Variants in PLOD2 observed in about 807,000 individuals in gnomAD.
PLOD2 encodes lysine hydroxylase 2.
PLOD2 carries 65 observed loss-of-function variants against 101.0 expected under a neutral mutation model. That is an observed-to-expected ratio of 0.64 (90% confidence interval 0.53 to 0.79). PLOD2 has a LOEUF of 0.79. Among genes scored for constraint, PLOD2 ranks in the 30% least tolerant of loss-of-function variants. The pLI is 0.00. For missense variants in PLOD2, 909 were observed against 914.6 expected (o/e 0.99, Z 0.08); for synonymous variants, 314 against 302.9 (o/e 1.04, Z -0.38).
rs3792341 is a variant in PLOD2, at chr3:146,091,963, T to C, written c.778-62A>G. ...GCCTCTCATCGGTGTGGTTTCATTC[T>C]ATAATCATCTAATTTAAAAGCATGT... On this transcript the variant is annotated intron_variant, in intron 7 of 19. Coordinates refer to ENST00000282903, the MANE Select transcript of PLOD2 (RefSeq NM_182943.3). 421,116 of 835,734 alleles carry C rather than the reference T, an allele frequency of 0.5. 106,829 individuals carry two copies. The highest frequency in any genetic ancestry group is 0.55 in the African/African-American group (32,976 of 59,668). The allele number at this position is 835,734 out of a possible 1,614,324, so 51.8% of individuals were successfully genotyped here.
chr3:146,071,481 T>G (rs982701727), intron 17 of PLOD2, 58 bp from the exon 18 acceptor site: 2 of 1,511,074 alleles, frequency 1.3e-6, no homozygotes, highest in African/African-American at 2.8e-5. Flanking sequence ...CCCATTTATA[T>G]TATAGTATTT....
In PLOD2 at chr3:146,134,186, G is replaced by T. The variant is rs934433083; in HGVS notation, c.110-9957C>A. On this transcript the variant is annotated intron_variant, in intron 1 of 19. Transcript: ENST00000282903. ...ACTGGCTGGGGTGGAAATAGAGAAG[G>T]GAATTAATGAGGAGTGCGGATTACA... Among the ~76,000 whole-genome samples the T allele has an allele frequency of 2.2e-4, 34 of 152,002 alleles. 1 individual carries two copies. The highest frequency in any genetic ancestry group is 6.6e-5 in the Admixed American group (1 of 15,252).
In PLOD2 at chr3:146,110,418, T is replaced by C; in HGVS notation, c.369A>G (p.Glu123=). 6.2e-7 allele frequency: 1 copy of C among 1,613,508 alleles called. No individual in the cohort carries two copies. The highest frequency in any genetic ancestry group is 8.5e-7 in the Non-Finnish European group (1 of 1,179,740). ...CCTTTTGGAATTTTTTTAGAACTTC[T>C]TCTGGACCACCAGCAAATATGACAT... ...CFDVIFAGGP[E]EVLKKFQKAN... Residue 123 remains glutamate (E), a synonymous_variant, in exon 4 of 20, where the codon GAA becomes GAG. Coordinates refer to ENST00000282903, the MANE Select transcript of PLOD2 (RefSeq NM_182943.3).
Position 146,091,876 on chromosome 3 carries a change from T to C in PLOD2, c.803A>G (p.Tyr268Cys), listed in dbSNP as rs778448838. The stretch of plus-strand genomic sequence containing the variant: ...ATCCTGTGTCCATGAATTGGGTACA[T>C]AGTTTCCAAAATAATTCAGGAGAAT... ...TKILLNYFGN[Y>C]VPNSWTQDNG... The change falls in exon 8 of 20, where the codon TAT (tyrosine) becomes TGT (cysteine). Residue 268 changes from tyrosine to cysteine, a missense_variant. Tyr to Cys is a radical substitution (Grantham distance 194). Coordinates refer to ENST00000282903, the MANE Select transcript of PLOD2 (RefSeq NM_182943.3). The C allele has an allele frequency of 3.8e-6, 6 of 1,598,236 alleles. No individual in the cohort carries two copies. Among genetic ancestry groups the C allele is most frequent in the African/African-American group, 1.3e-5 (1 of 74,678 alleles).
intron 15 of PLOD2, among the ~76,000 whole-genome samples, chr3:146,075,385 G>C (rs1351915238): frequency 6.8e-6 from 1 of 146,358 alleles, no homozygotes; most frequent in African/African-American, 2.5e-5. Flanking sequence ...AGGTTTGATT[G>C]TTGAAGACAG....
chr3:146,151,412 G>A (rs1043483606), intron 1 of PLOD2, among the ~76,000 whole-genome samples: 2 of 151,998 alleles, frequency 1.3e-5, no homozygotes, highest in African/African-American at 4.8e-5. Context: ...CAGAAGAATC[G>A]CTTGAACCCG....
chr3:146,127,300 T>G lies in PLOD2; in HGVS notation c.110-3071A>C, dbSNP rs768787518. Among the ~76,000 whole-genome samples the G allele has an allele frequency of 7.6e-4, 116 of 152,272 alleles. 1 individual carries two copies. Among genetic ancestry groups the G allele is most frequent in the Non-Finnish European group, 1.4e-3 (98 of 68,012 alleles). ...CATAGTGAACACTGTACCCAACAGG[T>G]AACTTTTCAACCCTTTTCAACCCTC... On this transcript the variant is annotated intron_variant, in intron 1 of 19. Transcript: ENST00000282903.
At position 146,091,875 on chromosome 3, in the gene PLOD2, A is replaced by C. The variant is rs547685298; in HGVS notation, c.804T>G (p.Tyr268Ter). The change falls in exon 8 of 20, where the codon TAT (tyrosine) becomes TAG (stop). Residue 268 changes from tyrosine (Y) to a stop codon, truncating the protein, a stop_gained. Coordinates refer to ENST00000282903, the MANE Select transcript of PLOD2 (RefSeq NM_182943.3). LOFTEE classifies it high-confidence loss of function. ...TATCCTGTGTCCATGAATTGGGTACATAGTTTCCAAAATAATTCAGGAGAA... is the reference window on the plus strand; with the variant it reads ...TATCCTGTGTCCATGAATTGGGTACCTAGTTTCCAAAATAATTCAGGAGAA... ...TKILLNYFGN[Y>*]VPNSWTQDNG... The C allele has an allele frequency of 6.3e-7, 1 of 1,598,844 alleles. No homozygotes were observed. Among genetic ancestry groups the C allele is most frequent in the African/African-American group, 1.3e-5 (1 of 74,684 alleles).
intron 13 of PLOD2, among the ~76,000 whole-genome samples, chr3:146,078,638 A>C (rs772981333): frequency 6.6e-6 from 1 of 151,882 alleles, no homozygotes; most frequent in African/African-American, 2.4e-5. Context: ...TTTGGTGGTA[A>C]TAATCCTGCT....
At chr3:146,090,451 C>G (rs1936935803) in intron 8 of PLOD2, among the ~76,000 whole-genome samples, 1 of 151,522 alleles carries the variant, frequency 6.6e-6, no homozygotes, top group Non-Finnish European at 1.5e-5. Flanking sequence ...ATTTTTCTAT[C>G]TTTGCACCAG....
chr3:146,086,737 C>A lies in PLOD2; in HGVS notation c.1127+50G>T, dbSNP rs3804668. On this transcript the variant is annotated intron_variant, in intron 10 of 19. Coordinates refer to ENST00000282903, the MANE Select transcript of PLOD2 (RefSeq NM_182943.3). ...AATTTAAAAGTTTATTTTTTCTTAACGTTTCCTTAGTAAAATAATTTAATT... is the reference window on the plus strand; with the variant it reads ...AATTTAAAAGTTTATTTTTTCTTAAAGTTTCCTTAGTAAAATAATTTAATT... 583,315 of 1,229,712 alleles carry A rather than the reference C, an allele frequency of 0.47. 139,810 individuals are homozygous for A. Among genetic ancestry groups the A allele is most frequent in the African/African-American group, 0.55 (35,434 of 64,818 alleles). The allele number at this position is 1,229,712 out of a possible 1,614,324, so 76.2% of individuals were successfully genotyped here. A position where few individuals can be genotyped will look rare whatever the true frequency, so the allele number is the denominator to read the frequency against.
intron 11 of PLOD2, among the ~76,000 whole-genome samples, chr3:146,082,626 C>T (rs1348597633): frequency 6.6e-6 from 1 of 152,198 alleles, no homozygotes; most frequent in Non-Finnish European, 1.5e-5. Context: ...GGCGCAGTGG[C>T]TCATGCCTGT....
At chr3:146,110,722 C>T (rs1937615045) in intron 3 of PLOD2, among the ~76,000 whole-genome samples, 1 of 151,720 alleles carries the variant, frequency 6.6e-6, no homozygotes, top group South Asian at 2.1e-4. Flanking sequence ...TCACTTATTC[C>T]CAAATTGAAA....
chr3:146,106,989 A>AT (rs1344422524), intron 4 of PLOD2, among the ~76,000 whole-genome samples: 3 of 152,154 alleles, frequency 2.0e-5, no homozygotes, highest in African/African-American at 7.2e-5. Flanking sequence ...TGAGACAAGA[A>AT]TTTTTTCTCT....
chr3:146,074,157 A>G, intron 15 of PLOD2, among the ~76,000 whole-genome samples: 1 of 151,566 alleles, frequency 6.6e-6, no homozygotes, highest in East Asian at 1.9e-4. Context: ...AAAGCTAAAG[A>G]ATTATTTTAT....
chr3:146,152,647 G>A (rs1001060558), intron 1 of PLOD2, among the ~76,000 whole-genome samples: 15 of 152,130 alleles, frequency 9.9e-5, no homozygotes, highest in Non-Finnish European at 5.9e-5. Flanking sequence ...AGAAAGAAAC[G>A]CTGGACAAGG....
At chr3:146,155,673 C>T (rs1379278136) in intron 1 of PLOD2, among the ~76,000 whole-genome samples, 7 of 149,152 alleles carry the variant, frequency 4.7e-5, no homozygotes, top group Non-Finnish European at 7.4e-5. Context: ...CGAGATCACG[C>T]CACTGCACTC....
intron 3 of PLOD2, among the ~76,000 whole-genome samples, chr3:146,114,135 A>G (rs1937779114): frequency 6.6e-6 from 1 of 152,152 alleles, no homozygotes; most frequent in Non-Finnish European, 1.5e-5. Context: ...CTGTCTCCTG[A>G]TAAGACGTTA....
At chr3:146,084,526 TACA>T (rs1267346715) in intron 11 of PLOD2, among the ~76,000 whole-genome samples, 1 of 152,140 alleles carries the variant, frequency 6.6e-6, no homozygotes, top group African/African-American at 2.4e-5. Context: ...TACATGTACT[TACA>T]ACAATACCTG....
Sources: gnomAD v4.1 joint callset for allele counts (sites outside exome capture counted in the v4.1 genomes callset) on GRCh38, gnomAD v4.1.1 for gene constraint, MANE v1.5 for transcripts, NCBI Gene and HGNC (gene_info 2026-07-23, HGNC 2026-07-21) for gene names.